Variants in BLOC1S5 observed in about 807,000 individuals in gnomAD.
BLOC1S5 encodes biogenesis of lysosomal organelles complex 1 subunit 5.
In BLOC1S5, 27 loss-of-function variants were observed where a neutral mutation model predicts 24.3. The ratio of observed to expected loss-of-function variants is 1.11; its 90% CI spans 0.82 to 1.53. The LOEUF is 1.53. BLOC1S5 is among the 40% of genes most tolerant of loss of function. The probability of loss-of-function intolerance (pLI) is 0.00; values close to 1 mark genes in which losing one functional copy is unlikely to be tolerated. For missense variants in BLOC1S5, 239 were observed against 229.4 expected, an observed-to-expected ratio of 1.04 and a Z score of -0.27; for synonymous variants, 84 against 74.5, an observed-to-expected ratio of 1.13 and a Z score of -0.66.
intron 2 of BLOC1S5, among the ~76,000 whole-genome samples, chr6:8,046,756 G>A (rs554805219): frequency 2.7e-5 from 4 of 147,774 alleles, no homozygotes; most frequent in African/African-American, 9.9e-5. Context: ...ATTTCAACCT[G>A]TATCTTTTTT....
At chr6:8,018,747 G>GGTA (rs1254140551) in intron 4 of BLOC1S5, among the ~76,000 whole-genome samples, 2 of 152,158 alleles carry the variant, frequency 1.3e-5, no homozygotes, top group African/African-American at 4.8e-5. Context: ...CTTAATAAAA[G>GGTA]GTAAATATTA....
chr6:8,026,832 C>T (rs1227692348), intron 3 of BLOC1S5, among the ~76,000 whole-genome samples: 1 of 152,168 alleles, frequency 6.6e-6, no homozygotes, highest in Non-Finnish European at 1.5e-5. Flanking sequence ...GGACCATCTC[C>T]ATTAAGTCAT....
chr6:8,022,592 C>CTTTTTTTTTTTTTTTTT (rs58841716), intron 4 of BLOC1S5, among the ~76,000 whole-genome samples: 4 of 92,150 alleles, frequency 4.3e-5, no homozygotes, highest in African/African-American at 1.8e-4. Context: ...TTTTTTTTTT[C>CTTTTTTTTTTTTTTTTT]TTTTTTTTTT....
chr6:8,028,361 A>AT (rs971401926), intron 3 of BLOC1S5, among the ~76,000 whole-genome samples: 11 of 136,432 alleles, frequency 8.1e-5, no homozygotes, highest in Admixed American at 4.5e-4. Flanking sequence ...AAAAGAAAAT[A>AT]TTTAAAAAAA....
At chr6:8,057,330 T>A (rs1209833517) in intron 2 of BLOC1S5, among the ~76,000 whole-genome samples, 2 of 152,202 alleles carry the variant, frequency 1.3e-5, no homozygotes, top group African/African-American at 4.8e-5. Context: ...CCATCTGGTG[T>A]GCGTTTGTTT....
chr6:8,026,538 T>C, intron 3 of BLOC1S5, 113 bp from the exon 4 acceptor site: 1 of 825,294 alleles, frequency 1.2e-6, no homozygotes, highest in Non-Finnish European at 1.9e-6. Flanking sequence ...CTCAAAAAAC[T>C]ATGCAAAGAA....
chr6:8,039,289 T>G (rs995863145), intron 3 of BLOC1S5, among the ~76,000 whole-genome samples: 1 of 151,960 alleles, frequency 6.6e-6, no homozygotes, highest in African/African-American at 2.4e-5. Flanking sequence ...GGCCAGGAAG[T>G]ATAGTGAGGA....
intron 2 of BLOC1S5, among the ~76,000 whole-genome samples, chr6:8,058,594 G>A (rs1764405322): frequency 6.6e-6 from 1 of 152,186 alleles, no homozygotes; most frequent in Non-Finnish European, 1.5e-5. Context: ...GGAGGCTGAA[G>A]TAAGAAGACT....
At chr6:8,042,971 G>C (rs1763744150) in intron 2 of BLOC1S5, among the ~76,000 whole-genome samples, 1 of 152,164 alleles carries the variant, frequency 6.6e-6, no homozygotes, top group East Asian at 1.9e-4. Flanking sequence ...TCCACTGGGG[G>C]ACGACTCTTG....
chr6:8,023,313 G>A (rs1464856956), intron 4 of BLOC1S5, among the ~76,000 whole-genome samples: 1 of 152,150 alleles, frequency 6.6e-6, no homozygotes, highest in Non-Finnish European at 1.5e-5. Context: ...AATATGATTT[G>A]TATGAATGAC....
chr6:8,046,105 G>C (rs542895918), intron 2 of BLOC1S5, among the ~76,000 whole-genome samples: 19 of 152,330 alleles, frequency 1.2e-4, no homozygotes, highest in South Asian at 1.0e-3. Context: ...AACCCAGGGG[G>C]AGGTAATTGA....
At chr6:8,056,507 T>C (rs1487437442) in intron 2 of BLOC1S5, among the ~76,000 whole-genome samples, 1 of 152,234 alleles carries the variant, frequency 6.6e-6, no homozygotes, top group Non-Finnish European at 1.5e-5. Flanking sequence ...CCCCCGCCAC[T>C]GCCACCTTCT....
At chr6:8,019,423 C>A (rs1206154847) in intron 4 of BLOC1S5, among the ~76,000 whole-genome samples, 1 of 152,088 alleles carries the variant, frequency 6.6e-6, no homozygotes, top group Admixed American at 6.5e-5. Flanking sequence ...CAACCACCAC[C>A]ACACCTGGAC....
intron 4 of BLOC1S5, among the ~76,000 whole-genome samples, chr6:8,021,471 C>A (rs539773074): frequency 6.6e-6 from 1 of 152,096 alleles, no homozygotes; most frequent in Non-Finnish European, 1.5e-5. Flanking sequence ...TGATGGCGGG[C>A]ACCTGTTGTC....
chr6:8,052,180 G>A (rs1009071987), intron 2 of BLOC1S5, among the ~76,000 whole-genome samples: 1 of 151,770 alleles, frequency 6.6e-6, no homozygotes, highest in Non-Finnish European at 1.5e-5. Flanking sequence ...TGTTAGCCAG[G>A]ATGGTCTCGA....
At chr6:8,023,589 C>CA (rs34908120) in intron 4 of BLOC1S5, among the ~76,000 whole-genome samples, 59,448 of 143,234 alleles carry the variant, frequency 0.42, 13,101 homozygotes, top group East Asian at 0.78. Flanking sequence ...GACTCCATCT[C>CA]AAAAAAAAAA....
intron 3 of BLOC1S5, 103 bp from the exon 4 acceptor site, chr6:8,026,528 C>A: frequency 1.1e-6 from 1 of 894,286 alleles, no homozygotes; most frequent in African/African-American, 1.7e-5. Context: ...TGTTTTAGAT[C>A]TCAAAAAACT....
intron 2 of BLOC1S5, among the ~76,000 whole-genome samples, chr6:8,055,444 T>C (rs1764274349): frequency 6.6e-6 from 1 of 152,160 alleles, no homozygotes; most frequent in Non-Finnish European, 1.5e-5. Context: ...AAAAAATATA[T>C]ACAATAAAAT....
chr6:8,053,020 T>C (rs1260473049), intron 2 of BLOC1S5, among the ~76,000 whole-genome samples: 1 of 152,126 alleles, frequency 6.6e-6, no homozygotes, highest in Non-Finnish European at 1.5e-5. Flanking sequence ...TGAGATGGAA[T>C]CTACTCCTGG....
Sources: allele counts gnomAD v4.1 joint callset (sites outside exome capture counted in the v4.1 genomes callset), GRCh38; gene constraint gnomAD v4.1.1; transcripts MANE v1.5; gene names NCBI Gene and HGNC (gene_info 2026-07-23, HGNC 2026-07-21).